Variants in TRIM9 observed in about 807,000 individuals in gnomAD.
The protein encoded by TRIM9 is tripartite motif containing 9, also known as E3 ubiquitin-protein ligase TRIM9.
TRIM9 carries 26 observed loss-of-function variants against 78.3 expected under a neutral mutation model. That is an observed-to-expected ratio of 0.33 (90% CI 0.24 to 0.46). TRIM9 has a LOEUF of 0.46. Ranked by LOEUF, TRIM9 falls within the 20% of genes least tolerant of loss-of-function variation. The pLI is 1.00. For missense variants in TRIM9, 787 were observed against 1,036.4 expected (o/e 0.76, Z 3.30); for synonymous variants, 398 against 416.5 (o/e 0.96, Z 0.54).
At chr14:51,067,859 GTTTAT>G (rs60251657) in intron 1 of TRIM9, among the ~76,000 whole-genome samples, 30,195 of 151,812 alleles carry the variant, frequency 0.2, 3,129 homozygotes, top group Non-Finnish European at 0.23. Flanking sequence ...AAAATCTACT[GTTTAT>G]TTTATTTTGT....
chr14:50,982,835 T>C (rs186442767), intron 10 of TRIM9, 107 bp downstream of exon 10: 1 of 1,090,474 alleles, frequency 9.2e-7, no homozygotes, highest in Non-Finnish European at 1.3e-6. Flanking sequence ...ATGCCACCTA[T>C]AAATATCACA....
At chr14:51,079,545 G>A (rs1407038311) in intron 1 of TRIM9, among the ~76,000 whole-genome samples, 1 of 152,196 alleles carries the variant, frequency 6.6e-6, no homozygotes, top group African/African-American at 2.4e-5. Context: ...TAGCCCAGAT[G>A]TGTATGTAAT....
chr14:51,016,459 TC>T (rs1566581299), intron 3 of TRIM9, among the ~76,000 whole-genome samples: 2 of 144,418 alleles, frequency 1.4e-5, no homozygotes, highest in Non-Finnish European at 3.0e-5. Flanking sequence ...CCAGAACCAT[TC>T]CCCCCCACCC....
At chr14:50,997,627 A>C (rs1032172552) in intron 7 of TRIM9, 43 of 1,025,352 alleles carry the variant, frequency 4.2e-5, no homozygotes, top group Non-Finnish European at 4.8e-5. Context: ...CCTAGGTCCC[A>C]CCCTCAGAAC....
chr14:51,015,505 C>CTTT (rs369652663), intron 3 of TRIM9, among the ~76,000 whole-genome samples: 947 of 61,276 alleles, frequency 0.015, 129 homozygotes, highest in Non-Finnish European at 0.021. Context: ...CTTTACTTTT[C>CTTT]TTTTTTTTTT....
intron 10 of TRIM9, 69 bp from the exon 11 acceptor site, chr14:50,982,172 T>C (rs2052016363): frequency 1.9e-6 from 3 of 1,562,246 alleles, no homozygotes; most frequent in Non-Finnish European, 2.6e-6. Flanking sequence ...AACATACTCC[T>C]GGGCGGGTGA....
At chr14:51,024,663 AG>A (rs1686573833) in intron 2 of TRIM9, among the ~76,000 whole-genome samples, 1 of 152,222 alleles carries the variant, frequency 6.6e-6, no homozygotes, top group Non-Finnish European at 1.5e-5. Context: ...GTCTAGATAA[AG>A]CAATCTGAAA....
chr14:51,061,594 C>G (rs1324702625), intron 1 of TRIM9, among the ~76,000 whole-genome samples: 1 of 151,950 alleles, frequency 6.6e-6, no homozygotes, highest in African/African-American at 2.4e-5. Flanking sequence ...TTGCTCATTC[C>G]AAACTGAAAA....
chr14:51,093,446 C>T (rs945350071), intron 1 of TRIM9, among the ~76,000 whole-genome samples: 18 of 152,256 alleles, frequency 1.2e-4, no homozygotes, highest in Non-Finnish European at 2.2e-4. Context: ...CAGGTCCCAA[C>T]TCCGGAAGGG....
At position 50,979,556 on chromosome 14, in the gene TRIM9, GAA is replaced by G. The variant is rs1163238953; in HGVS notation, c.2163-9_2163-8del. 1.9e-6 allele frequency: 3 copies of G among 1,610,240 alleles called. No individual in the cohort carries two copies. The highest frequency in any genetic ancestry group is 1.3e-5 in the African/African-American group (1 of 74,498). On this transcript the variant is annotated splice_polypyrimidine_tract_variant and splice_region_variant and intron_variant, in intron 11 of 12. Coordinates refer to ENST00000684578, the MANE Select transcript of TRIM9 (RefSeq NM_001387360.1). ...TGTGATCCCTCCCTCAGTTCTGTAG[GAA>G]AAGAGAAAAATTGGGGTTCATTTCC...
intron 7 of TRIM9, among the ~76,000 whole-genome samples, chr14:50,991,019 T>A (rs1316567689): frequency 2.6e-5 from 4 of 152,202 alleles, no homozygotes; most frequent in Non-Finnish European, 5.9e-5. Context: ...TAATTGCAAT[T>A]GAGAAGTGAG....
intron 5 of TRIM9, among the ~76,000 whole-genome samples, chr14:51,008,519 C>T (rs1596158500): frequency 6.6e-6 from 1 of 152,268 alleles, no homozygotes; most frequent in South Asian, 2.1e-4. Flanking sequence ...ATATTTTCAG[C>T]CCCCACCCAG....
chr14:51,049,372 C>CG (rs2060209204), intron 1 of TRIM9, among the ~76,000 whole-genome samples: 1 of 152,100 alleles, frequency 6.6e-6, no homozygotes, highest in Non-Finnish European at 1.5e-5. Context: ...AGGGTCTGTG[C>CG]GTGCAGTGGA....
intron 1 of TRIM9, among the ~76,000 whole-genome samples, chr14:51,029,284 G>T (rs146553328): frequency 1.0e-3 from 156 of 152,294 alleles, no homozygotes; most frequent in African/African-American, 3.6e-3. Context: ...ACAAAACAGA[G>T]GAGGCGGCAA....
At chr14:51,029,493 T>C (rs80054202) in intron 1 of TRIM9, among the ~76,000 whole-genome samples, 3,246 of 152,262 alleles carry the variant, frequency 0.021, 103 homozygotes, top group African/African-American at 0.074. Context: ...ATTGATGCAA[T>C]GGGACTTTGA....
chr14:51,054,398 G>A (rs1344923744), intron 1 of TRIM9, among the ~76,000 whole-genome samples: 6 of 151,962 alleles, frequency 3.9e-5, no homozygotes, highest in Admixed American at 3.9e-4. Context: ...TCAGCCTCCC[G>A]AGTAGCTGAG....
At chr14:50,982,812 C>A (rs1457251258) in intron 10 of TRIM9, 130 bp downstream of exon 10, 9 of 851,396 alleles carry the variant, frequency 1.1e-5, no homozygotes, top group Non-Finnish European at 1.6e-5. Context: ...CATTGTTACG[C>A]CCCAAGTTCT....
At chr14:51,042,580 C>A (rs903694105) in intron 1 of TRIM9, among the ~76,000 whole-genome samples, 1 of 152,126 alleles carries the variant, frequency 6.6e-6, no homozygotes. Flanking sequence ...GGAAAGGGGA[C>A]CTTAAAATGA....
intron 3 of TRIM9, among the ~76,000 whole-genome samples, chr14:51,015,684 G>A (rs2057115622): frequency 6.6e-6 from 1 of 150,846 alleles, no homozygotes; most frequent in Non-Finnish European, 1.5e-5. Flanking sequence ...TGGCTAATGT[G>A]TATATTTTTG....
Sources: gnomAD v4.1 joint callset for allele counts (sites outside exome capture counted in the v4.1 genomes callset) on GRCh38, gnomAD v4.1.1 for gene constraint, MANE v1.5 for transcripts, NCBI Gene and HGNC (gene_info 2026-07-23, HGNC 2026-07-21) for gene names.